The following PAX3 variants were observed in gnomAD, a reference collection of about 807,000 sequenced individuals.
The protein encoded by PAX3 is paired box protein Pax-3.
Under a neutral mutation model 51.6 loss-of-function variants are expected in PAX3, and 14 were observed. The ratio of observed to expected loss-of-function variants is 0.27; its 90% CI spans 0.18 to 0.42. PAX3 has a LOEUF of 0.42. Among genes scored for constraint, PAX3 ranks in the 10% least tolerant of loss-of-function variants. The pLI is 1.00. For synonymous variants in PAX3, 280 were observed against 253.4 expected (o/e 1.11, Z -1.00); for missense variants, 540 against 642.8 (o/e 0.84, Z 1.73).
chr2:222,238,093 A>G (rs2106105561), intron 4 of PAX3, among the ~76,000 whole-genome samples: 1 of 152,326 alleles, frequency 6.6e-6, no homozygotes, highest in African/African-American at 2.4e-5. Flanking sequence ...GGGAAAATGG[A>G]CATTGTCAGT....
At chr2:222,269,578 A>G (rs912647484) in intron 4 of PAX3, among the ~76,000 whole-genome samples, 2 of 152,144 alleles carry the variant, frequency 1.3e-5, no homozygotes, top group African/African-American at 2.4e-5. Flanking sequence ...ATTTTTTTAA[A>G]AGTCTACAAA....
At chr2:222,212,275 T>C (rs1691768367) in intron 7 of PAX3, among the ~76,000 whole-genome samples, 1 of 152,136 alleles carries the variant, frequency 6.6e-6, no homozygotes, top group Non-Finnish European at 1.5e-5. Context: ...GAGACATCAG[T>C]ATTTTTGTGA....
chr2:222,238,406 C>A (rs893909817), intron 4 of PAX3, among the ~76,000 whole-genome samples: 4 of 152,062 alleles, frequency 2.6e-5, no homozygotes, highest in Admixed American at 2.6e-4. Flanking sequence ...TATTGGTGTT[C>A]AGACAAATAT....
At chr2:222,260,668 T>C (rs1693830453) in intron 4 of PAX3, among the ~76,000 whole-genome samples, 1 of 135,844 alleles carries the variant, frequency 7.4e-6, no homozygotes, top group Admixed American at 8.2e-5. Context: ...CTCAGCTCAC[T>C]GCAACCTCCA....
intron 5 of PAX3, among the ~76,000 whole-genome samples, chr2:222,228,548 C>T (rs1017601250): frequency 3.9e-5 from 6 of 152,156 alleles, no homozygotes; most frequent in Non-Finnish European, 8.8e-5. Context: ...CCGAACACTC[C>T]TCAGTTTTCC....
chr2:222,295,494 T>C (rs765342114), intron 3 of PAX3, 34 bp downstream of exon 3: 4 of 1,613,764 alleles, frequency 2.5e-6, no homozygotes, highest in Non-Finnish European at 1.7e-6. Flanking sequence ...CGACTGACTG[T>C]CGCGCCTCGG....
At chr2:222,270,720 C>A (rs753091815) in intron 4 of PAX3, among the ~76,000 whole-genome samples, 1 of 152,218 alleles carries the variant, frequency 6.6e-6, no homozygotes, top group South Asian at 2.1e-4. Context: ...CATGAGCCAA[C>A]AGACATCAGA....
intron 4 of PAX3, among the ~76,000 whole-genome samples, chr2:222,266,029 C>T (rs1187838298): frequency 1.3e-5 from 2 of 152,178 alleles, no homozygotes; most frequent in Admixed American, 1.3e-4. Context: ...GAGCTTGAAG[C>T]TTGTAAAATT....
intron 5 of PAX3, among the ~76,000 whole-genome samples, chr2:222,224,747 A>G (rs933095749): frequency 2.0e-5 from 3 of 152,202 alleles, no homozygotes; most frequent in African/African-American, 7.2e-5. Flanking sequence ...CATACAATCA[A>G]TGAATAATCT....
intron 4 of PAX3, among the ~76,000 whole-genome samples, chr2:222,278,489 C>T (rs1694509866): frequency 6.6e-6 from 1 of 152,226 alleles, no homozygotes; most frequent in South Asian, 2.1e-4. Context: ...CCTTCCTAGT[C>T]TATGGCTCTT....
At chr2:222,291,480 G>A (rs1695037219) in intron 4 of PAX3, among the ~76,000 whole-genome samples, 1 of 152,212 alleles carries the variant, frequency 6.6e-6, no homozygotes, top group African/African-American at 2.4e-5. Context: ...AGTTGGGAAA[G>A]TTAAGAGGAC....
At chr2:222,280,262 G>GGAAA (rs1290589358) in intron 4 of PAX3, among the ~76,000 whole-genome samples, 1 of 132,994 alleles carries the variant, frequency 7.5e-6, no homozygotes, top group African/African-American at 2.8e-5. Context: ...AGAAAGAAAA[G>GGAAA]GAAAGAAAGA....
chr2:222,257,934 T>C (rs886756144), intron 4 of PAX3, among the ~76,000 whole-genome samples: 15 of 152,180 alleles, frequency 9.9e-5, no homozygotes, highest in African/African-American at 3.4e-4. Context: ...AGCTTTGTAA[T>C]AGGGATGGAC....
At chr2:222,293,704 T>A (rs1348240110) in intron 4 of PAX3, 1 of 1,613,406 alleles carries the variant, frequency 6.2e-7, no homozygotes, top group Non-Finnish European at 8.5e-7. Flanking sequence ...CCCAAAAGAG[T>A]ACTCTCTCTC....
intron 4 of PAX3, chr2:222,293,741 G>A (rs771158523): frequency 1.5e-5 from 24 of 1,613,942 alleles, no homozygotes; most frequent in Non-Finnish European, 2.0e-5. Flanking sequence ...AGGAAACTCC[G>A]GAGACCAGGG....
At chr2:222,297,247 A>C (rs1695353533) in intron 1 of PAX3, 34 bp from the exon 2 acceptor site, 1 of 1,459,238 alleles carries the variant, frequency 6.9e-7, no homozygotes, top group South Asian at 1.2e-5. Flanking sequence ...GCAAGGGAAA[A>C]GTCACTGGAG....
intron 4 of PAX3, among the ~76,000 whole-genome samples, chr2:222,281,875 G>C (rs898728987): frequency 6.6e-6 from 1 of 152,162 alleles, no homozygotes; most frequent in East Asian, 1.9e-4. Context: ...GCAAGTCAGA[G>C]AGAAGGCAAG....
chr2:222,251,756 T>G (rs1693442624), intron 4 of PAX3, among the ~76,000 whole-genome samples: 1 of 152,164 alleles, frequency 6.6e-6, no homozygotes, highest in South Asian at 2.1e-4. Flanking sequence ...TTTCTCCACA[T>G]CCTCTCCAGC....
chr2:222,232,511 T>G (rs1692635912), intron 4 of PAX3, among the ~76,000 whole-genome samples: 2 of 152,138 alleles, frequency 1.3e-5, no homozygotes, highest in Non-Finnish European at 2.9e-5. Context: ...CCCGCCCCCA[T>G]GCAGTCCTGC....
Sources: gnomAD v4.1 joint callset for allele counts (sites outside exome capture counted in the v4.1 genomes callset) on GRCh38, gnomAD v4.1.1 for gene constraint, MANE v1.5 for transcripts, NCBI Gene and HGNC (gene_info 2026-07-23, HGNC 2026-07-21) for gene names.